Variants in DTNBP1 observed in about 807,000 individuals in gnomAD.
The protein encoded by DTNBP1 is dysbindin.
In DTNBP1, 35 loss-of-function variants were observed where a neutral mutation model predicts 42.8. That is an observed-to-expected ratio of 0.82 (90% CI 0.63 to 1.09). The LOEUF (loss-of-function observed/expected upper bound fraction) is 1.09. Ranked by LOEUF, DTNBP1 falls within the 50% of genes least tolerant of loss-of-function variation. The pLI, the probability that DTNBP1 is intolerant of heterozygous loss-of-function variation, is 0.00. For missense variants in DTNBP1, 457 were observed against 424.2 expected (o/e 1.08, Z -0.68); for synonymous variants, 171 against 162.2 (o/e 1.05, Z -0.41).
Position 15,621,879 on chromosome 6 carries a change from G to A in DTNBP1, c.355+5464C>T, listed in dbSNP as rs558471507. Reference sequence around the variant, plus strand: ...TTCAGGCTTAGGCCAGTGGCAGCCCGCCCTCCTCCCACAGGGCTCCCTTCC... The same window carrying A: ...TTCAGGCTTAGGCCAGTGGCAGCCCACCCTCCTCCCACAGGGCTCCCTTCC... On this transcript the variant is annotated intron_variant, in intron 5 of 9. Transcript: ENST00000344537. 5.3e-5 allele frequency among the ~76,000 whole-genome samples: 8 copies of A among 152,168 alleles called. No homozygotes were observed. In the South Asian group the frequency reaches 1.0e-3, roughly 20 times the overall value.
In DTNBP1 at chr6:15,627,491, AG is replaced by A. The variant is rs763304206; in HGVS notation, c.223-17del. The A allele has an allele frequency of 1.2e-6, 2 of 1,613,508 alleles. No individual in the cohort carries two copies. Among genetic ancestry groups the A allele is most frequent in the African/African-American group, 1.3e-5 (1 of 74,904 alleles). Reference sequence around the variant, plus strand: ...TATCCACCAGCTGCAGCACACAAGAAGGGGGGTAAAGTGAAACCAGGTTTTA... The same window carrying A: ...TATCCACCAGCTGCAGCACACAAGAAGGGGGTAAAGTGAAACCAGGTTTTA... On this transcript the variant is annotated splice_polypyrimidine_tract_variant and intron_variant, in intron 4 of 9. Coordinates refer to ENST00000344537, the MANE Select transcript of DTNBP1 (RefSeq NM_032122.5).
At chr6:15,650,998 T>C (rs549002426) in intron 3 of DTNBP1, among the ~76,000 whole-genome samples, 1 of 152,182 alleles carries the variant, frequency 6.6e-6, no homozygotes, top group East Asian at 1.9e-4. Context: ...GACATAAGAA[T>C]CAAAGCAAAA....
At position 15,538,759 on chromosome 6, in the gene DTNBP1, A is replaced by C. The variant is rs531823766; in HGVS notation, c.512-5364T>G. Among the ~76,000 whole-genome samples the C allele has an allele frequency of 3.1e-3, 472 of 152,310 alleles. 5 individuals are homozygous for C. Among genetic ancestry groups the C allele is most frequent in the Middle Eastern group, 0.02 (6 of 294 alleles). ...CTGTGGCAGACACCCTGCTCCGCTG[A>C]GTTTGGGTGCTATTACTCCGGAAAA... On this transcript the variant is annotated intron_variant, in intron 7 of 9. Coordinates refer to ENST00000344537, the MANE Select transcript of DTNBP1 (RefSeq NM_032122.5).
chr6:15,592,667 C>A (rs1366306808), intron 7 of DTNBP1, among the ~76,000 whole-genome samples: 1 of 152,194 alleles, frequency 6.6e-6, no homozygotes, highest in Non-Finnish European at 1.5e-5. Context: ...GGGCCCAGCA[C>A]TGAAGACCTC....
At chr6:15,620,130 G>A (rs891584586) in intron 5 of DTNBP1, among the ~76,000 whole-genome samples, 10 of 151,840 alleles carry the variant, frequency 6.6e-5, no homozygotes, top group Admixed American at 2.0e-4. Flanking sequence ...AATATATCAC[G>A]GTAAATCTGG....
chr6:15,603,632 GA>G (rs1251067664), intron 6 of DTNBP1, among the ~76,000 whole-genome samples: 2 of 152,090 alleles, frequency 1.3e-5, no homozygotes, highest in Non-Finnish European at 2.9e-5. Flanking sequence ...AAATACTCTT[GA>G]GCTTTGTTTG....
At chr6:15,616,324 C>CT (rs1315498271) in intron 5 of DTNBP1, among the ~76,000 whole-genome samples, 2 of 152,212 alleles carry the variant, frequency 1.3e-5, no homozygotes, top group Non-Finnish European at 2.9e-5. Flanking sequence ...CTATTATTCA[C>CT]TGACATATGC....
chr6:15,548,514 A>T (rs532792829), intron 7 of DTNBP1, among the ~76,000 whole-genome samples: 1 of 151,914 alleles, frequency 6.6e-6, no homozygotes, highest in Non-Finnish European at 1.5e-5. Context: ...CACATTTGGA[A>T]GGCAGGAAGG....
At chr6:15,658,442 G>A (rs1302388214) in intron 1 of DTNBP1, among the ~76,000 whole-genome samples, 1 of 152,168 alleles carries the variant, frequency 6.6e-6, no homozygotes, top group African/African-American at 2.4e-5. Flanking sequence ...ACAGAATGAG[G>A]ACACTGGGCA....
At chr6:15,661,127 A>C (rs1365583681) in intron 1 of DTNBP1, among the ~76,000 whole-genome samples, 1 of 152,228 alleles carries the variant, frequency 6.6e-6, no homozygotes, top group Admixed American at 6.5e-5. Flanking sequence ...TTCAACGCCC[A>C]ATGTGCAAAT....
chr6:15,632,941 C>A (rs1307501729), intron 4 of DTNBP1, among the ~76,000 whole-genome samples: 1 of 152,152 alleles, frequency 6.6e-6, no homozygotes, highest in African/African-American at 2.4e-5. Flanking sequence ...ATATCAATAG[C>A]AAGTTTTATA....
intron 6 of DTNBP1, among the ~76,000 whole-genome samples, chr6:15,605,729 AC>A (rs1297544725): frequency 6.6e-6 from 1 of 152,104 alleles, no homozygotes; most frequent in Non-Finnish European, 1.5e-5. Context: ...TTCTTTCTTT[AC>A]GAAAAATGTA....
intron 8 of DTNBP1, among the ~76,000 whole-genome samples, chr6:15,527,278 G>A (rs1772472702): frequency 6.6e-6 from 1 of 152,080 alleles, no homozygotes; most frequent in Non-Finnish European, 1.5e-5. Context: ...AATCTTGGGG[G>A]CATGTCACTA....
intron 1 of DTNBP1, 140 bp from the exon 2 acceptor site, chr6:15,652,280 A>G: frequency 3.4e-6 from 2 of 594,468 alleles, no homozygotes; most frequent in Admixed American, 2.9e-5. Flanking sequence ...CCTGGGCCCA[A>G]GTGATCCTCC....
intron 8 of DTNBP1, among the ~76,000 whole-genome samples, chr6:15,528,825 C>T (rs1772602961): frequency 1.3e-5 from 2 of 152,192 alleles, no homozygotes; most frequent in South Asian, 4.1e-4. Context: ...CTCAGCATCA[C>T]CTGGTAACTT....
intron 8 of DTNBP1, among the ~76,000 whole-genome samples, chr6:15,532,697 C>CTT (rs373480713): frequency 0.073 from 6,787 of 92,884 alleles, 832 homozygotes; most frequent in African/African-American, 0.13. Context: ...TGTTTGTAAT[C>CTT]TTTTTTTTTT....
At chr6:15,560,117 C>T (rs1774758438) in intron 7 of DTNBP1, among the ~76,000 whole-genome samples, 1 of 152,106 alleles carries the variant, frequency 6.6e-6, no homozygotes, top group South Asian at 2.1e-4. Context: ...ACCATCCTGG[C>T]TAACAGGGGG....
At chr6:15,606,644 C>T (rs1758070323) in intron 6 of DTNBP1, among the ~76,000 whole-genome samples, 2 of 152,304 alleles carry the variant, frequency 1.3e-5, no homozygotes, top group South Asian at 4.1e-4. Flanking sequence ...CTCCCACTCT[C>T]CCCACCTTCA....
intron 6 of DTNBP1, 147 bp from the exon 7 acceptor site, chr6:15,593,228 A>C (rs965953525): frequency 2.7e-6 from 2 of 750,456 alleles, no homozygotes; most frequent in Admixed American, 6.0e-5. Flanking sequence ...TACTTTACTG[A>C]AATGACCAGT....
Sources: allele counts gnomAD v4.1 joint callset (sites outside exome capture counted in the v4.1 genomes callset), GRCh38; gene constraint gnomAD v4.1.1; transcripts MANE v1.5; gene names NCBI Gene and HGNC (gene_info 2026-07-23, HGNC 2026-07-21).